The following GRINA variants were observed in gnomAD, a reference collection of about 807,000 sequenced individuals.
GRINA encodes the protein glutamate ionotropic receptor NMDA type subunit associated protein 1.
Under a neutral mutation model 42.5 loss-of-function variants are expected in GRINA, and 26 were observed. That is an observed-to-expected ratio of 0.61 (90% CI 0.45 to 0.85). The LOEUF (loss-of-function observed/expected upper bound fraction) is 0.85, where lower values mean the gene tolerates loss of function less well. Ranked by LOEUF, GRINA falls within the 40% of genes least tolerant of loss-of-function variation. The pLI, the probability that GRINA is intolerant of heterozygous loss-of-function variation, is 0.00. For synonymous variants in GRINA, 256 were observed against 204.2 expected, an observed-to-expected ratio of 1.25 and a Z score of -2.17; for missense variants, 475 against 481.5, an observed-to-expected ratio of 0.99 and a Z score of 0.13.
Position 143,992,034 on chromosome 8 carries a change from TGTG to T in GRINA, c.651_653del (p.Cys217_Gly218delinsTrp), listed in dbSNP as rs1834107295. The T allele has an allele frequency of 1.2e-6, 2 of 1,613,966 alleles. No homozygotes were observed. Among genetic ancestry groups the T allele is most frequent in the Non-Finnish European group, 1.7e-6 (2 of 1,179,926 alleles). On this transcript the variant is annotated inframe_deletion, in exon 4 of 7. Transcript: ENST00000395068. ...CATCTCTCTCATCGTCCTCAGCTGTTGTGGGGACTTCCGGCGAAAGCACCCCTG... is the reference window on the plus strand; with the variant it reads ...CATCTCTCTCATCGTCCTCAGCTGTTGGGACTTCCGGCGAAAGCACCCCTG...
In GRINA at chr8:143,991,411, C is replaced by T. The variant is rs1219117746; in HGVS notation, c.188C>T (p.Pro63Leu). 12 of 1,292,682 alleles carry T rather than the reference C, an allele frequency of 9.3e-6. No homozygotes were observed. The highest frequency in any genetic ancestry group is 2.5e-4 in the Middle Eastern group (1 of 4,052). The allele number at this position is 1,292,682 out of a possible 1,614,324, so 80.1% of individuals were successfully genotyped here. ...CCAGGGTACCCCCATGGCCCCAGCCCCTACCCCCAAGGGGGCTACCCACAG... is the reference window on the plus strand; with the variant it reads ...CCAGGGTACCCCCATGGCCCCAGCCTCTACCCCCAAGGGGGCTACCCACAG... Reference protein sequence around the residue: ...GQPGYPHGPSPYPQGGYPQGP... With the variant: ...GQPGYPHGPSLYPQGGYPQGP... The change falls in exon 2 of 7, where the codon CCC becomes CTC. Residue 63 changes from proline to leucine, a missense_variant. By Grantham distance (98) the Pro-to-Leu change is moderately conservative. Around this residue, in one of 2 missense-constraint regions of GRINA, gnomAD observed 321 missense variants for 267.2 expected, o/e 1.20. Transcript: ENST00000395068.
Position 143,991,809 on chromosome 8 carries a change from G to A in GRINA, c.492+5G>A, listed in dbSNP as rs782090499. On this transcript the variant is annotated splice_donor_5th_base_variant and intron_variant, in intron 3 of 6. Coordinates refer to ENST00000395068, the MANE Select transcript of GRINA (RefSeq NM_001009184.2). ...CGACAGGCCTTCATCCGCAAGGTGG[G>A]TAGGGGCATCTCCAAGGCGGTGGGG... 5 of 1,611,018 alleles carry A rather than the reference G, an allele frequency of 3.1e-6. No homozygotes were observed. Among genetic ancestry groups the A allele is most frequent in the Admixed American group, 1.7e-5 (1 of 60,008 alleles).
intron 1 of GRINA, 187 bp from the exon 2 acceptor site, chr8:143,991,013 G>A (rs921924550): frequency 3.0e-5 from 12 of 395,010 alleles, no homozygotes; most frequent in African/African-American, 2.3e-4. Flanking sequence ...GCCCCACGGC[G>A]CCGCCCGTCC....
At position 143,992,590 on chromosome 8, in the gene GRINA, C is replaced by T. The variant is rs782198322; in HGVS notation, c.948C>T (p.Gly316=). The part of the protein sequence containing the change: ...RILEIVYASL[G]ALLFTCFLAV... ...TGGAGATCGTGTACGCCTCACTGGG[C>T]GCTCTGCTCTTCACCTGCGTGAGTG... Residue 316 remains glycine, a synonymous_variant, in exon 6 of 7, where the codon GGC becomes GGT. Transcript: ENST00000395068. The T allele has an allele frequency of 1.4e-5, 23 of 1,614,012 alleles. No homozygotes were observed. Among genetic ancestry groups the T allele is most frequent in the Admixed American group, 8.3e-5 (5 of 60,004 alleles).
chr8:143,992,459 C>G lies in GRINA; in HGVS notation c.823-6C>G, dbSNP rs1021092798. On this transcript the variant is annotated splice_region_variant and splice_polypyrimidine_tract_variant and intron_variant, in intron 5 of 6. Transcript: ENST00000395068. ...GCCCCATGGCCCGTTCCTCTCCCAC[C>G]TGCAGACCCGCTACGACTTCACCTC... 1.2e-6 allele frequency: 2 copies of G among 1,614,138 alleles called. No homozygotes were observed. The highest frequency in any genetic ancestry group is 1.6e-4 in the Middle Eastern group (1 of 6,062).
chr8:143,992,188 C>T lies in GRINA; in HGVS notation c.694-57C>T, dbSNP rs567074890. ...CTCCTTGTGCTCATGAGGCAGGGGCCGGCAGGGGTGGCATGGGGGCACACA... is the reference window on the plus strand; with the variant it reads ...CTCCTTGTGCTCATGAGGCAGGGGCTGGCAGGGGTGGCATGGGGGCACACA... On this transcript the variant is annotated intron_variant, in intron 4 of 6. Coordinates refer to ENST00000395068, the MANE Select transcript of GRINA (RefSeq NM_001009184.2). 8.7e-5 allele frequency: 140 copies of T among 1,600,176 alleles called. No individual in the cohort carries two copies. In the African/African-American group the frequency reaches 1.6e-3, roughly 18 times the overall value.
chr8:143,991,109 G>A (rs1413694285), intron 1 of GRINA, 91 bp from the exon 2 acceptor site: 3 of 671,504 alleles, frequency 4.5e-6, no homozygotes, highest in Non-Finnish European at 7.6e-6. Flanking sequence ...CTTCCCCCTG[G>A]GTTCCCAGAA....
At chr8:143,992,179 G>A (rs1024948810) in intron 4 of GRINA, 66 bp from the exon 5 acceptor site, 1 of 1,597,872 alleles carries the variant, frequency 6.3e-7, no homozygotes, top group Non-Finnish European at 8.5e-7. Context: ...GTGCTCATGA[G>A]GCAGGGGCCG....
chr8:143,990,802 A>AG lies in GRINA; in HGVS notation c.-24-394dup, dbSNP rs1554750309. 6.5e-6 allele frequency: 1 copy of AG among 153,874 alleles called. No individual in the cohort carries two copies. Among genetic ancestry groups the AG allele is most frequent in the Non-Finnish European group, 1.4e-5 (1 of 69,118 alleles). The allele number at this position is 153,874 out of a possible 1,614,324, so 9.5% of individuals were successfully genotyped here. On this transcript the variant is annotated intron_variant, in intron 1 of 6. Coordinates refer to ENST00000395068, the MANE Select transcript of GRINA (RefSeq NM_001009184.2). This position sits in a 1 kb window ranked among gnomAD's most constrained non-coding sequence, Gnocchi z 5.6. ...AAGCTGCTTAAGGGGCGGGATGCGGAGGGGAGGGTCCGGGCACACCCCACA... is the reference window on the plus strand; with the variant it reads ...AAGCTGCTTAAGGGGCGGGATGCGGAGGGGGAGGGTCCGGGCACACCCCACA...
In GRINA at chr8:143,991,440, C is replaced by A. The variant is rs918064724; in HGVS notation, c.217C>A (p.Pro73Thr). The A allele has an allele frequency of 1.0e-5, 15 of 1,462,508 alleles. No homozygotes were observed. Among genetic ancestry groups the A allele is most frequent in the African/African-American group, 2.9e-5 (2 of 70,014 alleles). 90.6% of individuals were successfully genotyped at this position (1,462,508 alleles called of 1,614,324 possible). The change falls in exon 2 of 7, where the codon CCC (proline) becomes ACC (threonine). Residue 73 changes from proline (P) to threonine (T), a missense_variant. By Grantham distance (38) the Pro-to-Thr change is conservative. Coordinates refer to ENST00000395068, the MANE Select transcript of GRINA (RefSeq NM_001009184.2). ...PYPQGGYPQGPYPQGGYPQGP... is the reference protein window; with the variant it reads ...PYPQGGYPQGTYPQGGYPQGP... ...CCCCCAAGGGGGCTACCCACAGGGT[C>A]CCTACCCCCAAGGGGGCTACCCACA...
chr8:143,992,896 C>T lies in GRINA; in HGVS notation c.*55C>T, dbSNP rs1834125169. 1 of 1,534,846 alleles carries T rather than the reference C, an allele frequency of 6.5e-7. No homozygotes were observed. Among genetic ancestry groups the T allele is most frequent in the Non-Finnish European group, 8.9e-7 (1 of 1,123,314 alleles). ...GTGGCACGGCTGGCCTGGACCCTGC[C>T]CCTGGCACGGCAGTGCCAGCTGTAC... On this transcript the variant is annotated 3_prime_UTR_variant, in exon 7 of 7. Coordinates refer to ENST00000395068, the MANE Select transcript of GRINA (RefSeq NM_001009184.2).
chr8:143,991,641 G>C (rs996807987), intron 2 of GRINA, 39 bp downstream of exon 2: 1 of 1,590,958 alleles, frequency 6.3e-7, no homozygotes, highest in Non-Finnish European at 8.6e-7. Flanking sequence ...GGCCGGGAGG[G>C]CAGGGGGAGG....
rs1369679093 is a variant in GRINA at position 143,990,135 on chromosome 8, T to A, written c.-89T>A. 1.3e-5 allele frequency: 2 copies of A among 150,518 alleles called. No individual in the cohort carries two copies. The highest frequency in any genetic ancestry group is 3.0e-5 in the Non-Finnish European group (2 of 67,550). 9.3% of individuals were successfully genotyped at this position (150,518 alleles called of 1,614,324 possible). A position where few individuals can be genotyped will look rare whatever the true frequency, so the allele number is the denominator to read the frequency against. Reference sequence around the variant, plus strand: ...CCGAGCGGGTGCGGGTGCGGGCGCATCGGCCATCACCGCGCGGCCGCGCAG... The same window carrying A: ...CCGAGCGGGTGCGGGTGCGGGCGCAACGGCCATCACCGCGCGGCCGCGCAG... On this transcript the variant is annotated 5_prime_UTR_variant, in exon 1 of 7. Transcript: ENST00000395068. This position sits in a 1 kb window ranked among gnomAD's most constrained non-coding sequence, Gnocchi z 5.6.
At chr8:143,992,196 G>T in intron 4 of GRINA, 49 bp from the exon 5 acceptor site, 2 of 1,600,858 alleles carry the variant, frequency 1.2e-6, no homozygotes, top group Non-Finnish European at 1.7e-6. Flanking sequence ...GCCGGCAGGG[G>T]TGGCATGGGG....
In GRINA at chr8:143,991,207, C is replaced by A. The variant is rs1834087059; in HGVS notation, c.-17C>A. ...CTTGTCTGTCTTCTCTAGGGGCGGA[C>A]CGCGGAACCCGAGGCCATGTCCCAT... On this transcript the variant is annotated 5_prime_UTR_variant, in exon 2 of 7. Coordinates refer to ENST00000395068, the MANE Select transcript of GRINA (RefSeq NM_001009184.2). 1 of 1,552,234 alleles carries A rather than the reference C, an allele frequency of 6.4e-7. No homozygotes were observed. The highest frequency in any genetic ancestry group is 8.7e-7 in the Non-Finnish European group (1 of 1,148,884).
At position 143,991,390 on chromosome 8, in the gene GRINA, G is replaced by C; in HGVS notation, c.167G>C (p.Gly56Ala). The C allele has an allele frequency of 8.4e-7, 1 of 1,194,442 alleles. No homozygotes were observed. Among genetic ancestry groups the C allele is most frequent in the Non-Finnish European group, 1.2e-6 (1 of 860,682 alleles). The allele number at this position is 1,194,442 out of a possible 1,614,324, so 74.0% of individuals were successfully genotyped here. Residue 56 changes from glycine to alanine, a missense_variant, in exon 2 of 7, where the codon GGG becomes GCG. This residue lies in a region of GRINA where 321 missense variants were observed against 267.2 expected (regional missense o/e 1.20). Transcript: ENST00000395068. The part of the protein sequence containing the change: ...PFQPSPYGQP[G>A]YPHGPSPYPQ... ...CAGCCCTCCCCCTACGGTCAGCCAG[G>C]GTACCCCCATGGCCCCAGCCCCTAC... is the stretch of plus-strand genomic sequence containing the variant.
At chr8:143,991,102 C>A (rs1378766195) in intron 1 of GRINA, 98 bp from the exon 2 acceptor site, 12 of 647,914 alleles carry the variant, frequency 1.9e-5, no homozygotes, top group African/African-American at 9.6e-5. Context: ...TCCCTTGCTT[C>A]CCCCTGGGTT....
At position 143,991,813 on chromosome 8, in the gene GRINA, G is replaced by C. The variant is rs782783056; in HGVS notation, c.492+9G>C. ...AGGCCTTCATCCGCAAGGTGGGTAG[G>C]GGCATCTCCAAGGCGGTGGGGGCTG... On this transcript the variant is annotated intron_variant, in intron 3 of 6. Coordinates refer to ENST00000395068, the MANE Select transcript of GRINA (RefSeq NM_001009184.2). The C allele has an allele frequency of 1.2e-6, 2 of 1,610,544 alleles. No individual in the cohort carries two copies. The highest frequency in any genetic ancestry group is 3.3e-5 in the Admixed American group (2 of 60,000).
chr8:143,992,301 C>T lies in GRINA; in HGVS notation c.750C>T (p.Asn250=). Residue 250 remains asparagine, a synonymous_variant, in exon 5 of 7, where the codon AAC becomes AAT. Coordinates refer to ENST00000395068, the MANE Select transcript of GRINA (RefSeq NM_001009184.2). ...YMVGMIASFY[N]TEAVIMAVGI... ...TGGGGATGATCGCCAGCTTCTACAA[C>T]ACCGAGGCAGTCATCATGGCCGTGG... 3.1e-6 allele frequency: 5 copies of T among 1,590,394 alleles called. No individual in the cohort carries two copies. The highest frequency in any genetic ancestry group is 4.3e-6 in the Non-Finnish European group (5 of 1,166,568).
Sources: allele counts gnomAD v4.1 joint callset, GRCh38; gene constraint gnomAD v4.1.1; regional missense constraint gnomAD v4.1.1; non-coding constraint Gnocchi (gnomAD v3.1); transcripts MANE v1.5; gene names NCBI Gene and HGNC (gene_info 2026-07-23, HGNC 2026-07-21).